The following KSR1 variants were observed in gnomAD, a reference collection of about 807,000 sequenced individuals.
The protein encoded by KSR1 is kinase suppressor of ras.
A neutral mutation model predicts 92.9 loss-of-function variants in KSR1; 35 were observed. That is an observed-to-expected ratio of 0.38 (90% CI 0.29 to 0.50). The LOEUF (loss-of-function observed/expected upper bound fraction) is 0.50, where lower values mean the gene tolerates loss of function less well. KSR1 is among the 20% of genes least tolerant of loss of function. The pLI, the probability that KSR1 is intolerant of heterozygous loss-of-function variation, is 0.94. For synonymous variants in KSR1, 467 were observed against 472.6 expected, an observed-to-expected ratio of 0.99 and a Z score of 0.15; for missense variants, 972 against 1,158.5, an observed-to-expected ratio of 0.84 and a Z score of 2.34.
chr17:27,590,692 A>C, intron 6 of KSR1, 119 bp from the exon 7 acceptor site: 1 of 868,496 alleles, frequency 1.2e-6, no homozygotes, highest in South Asian at 1.5e-5. Context: ...GAGGGGGCCA[A>C]GGGGCTCTGG....
intron 1 of KSR1, among the ~76,000 whole-genome samples, chr17:27,543,199 G>A (rs190288027): frequency 2.0e-4 from 30 of 152,354 alleles, no homozygotes; most frequent in African/African-American, 7.0e-4. Flanking sequence ...TAGAGGCAAG[G>A]CAGCTATTGC....
At chr17:27,473,891 C>T (rs1213636064) in intron 1 of KSR1, among the ~76,000 whole-genome samples, 1 of 152,000 alleles carries the variant, frequency 6.6e-6, no homozygotes, top group Non-Finnish European at 1.5e-5. Flanking sequence ...AGACAAAACC[C>T]CAGGCCACTC....
chr17:27,541,146 G>A (rs1254474427), intron 1 of KSR1, among the ~76,000 whole-genome samples: 1 of 152,214 alleles, frequency 6.6e-6, no homozygotes, highest in Non-Finnish European at 1.5e-5. Flanking sequence ...ACTGCTGTGG[G>A]CACCACGTAA....
chr17:27,496,892 A>G (rs1567763931), intron 1 of KSR1, among the ~76,000 whole-genome samples: 2 of 152,216 alleles, frequency 1.3e-5, no homozygotes, highest in Admixed American at 6.5e-5. Context: ...CTCCTCTGAG[A>G]TGAGAGTGTG....
At chr17:27,567,460 A>G (rs1227150120) in intron 2 of KSR1, among the ~76,000 whole-genome samples, 1 of 152,160 alleles carries the variant, frequency 6.6e-6, no homozygotes, top group African/African-American at 2.4e-5. Context: ...AGGAGTGGGC[A>G]AGAACATGGA....
At chr17:27,527,590 T>C (rs2070364764) in intron 1 of KSR1, among the ~76,000 whole-genome samples, 1 of 152,092 alleles carries the variant, frequency 6.6e-6, no homozygotes, top group African/African-American at 2.4e-5. Context: ...AGATGGGGTT[T>C]TACCATGTTG....
At chr17:27,585,926 G>C in intron 5 of KSR1, 1 of 535,784 alleles carries the variant, frequency 1.9e-6, no homozygotes, top group Non-Finnish European at 3.4e-6. Flanking sequence ...GCCCCATGAA[G>C]AGCCCTGTCT....
intron 19 of KSR1, among the ~76,000 whole-genome samples, chr17:27,619,753 C>T: frequency 6.6e-6 from 1 of 151,790 alleles, no homozygotes; most frequent in East Asian, 1.9e-4. Context: ...TGCTCTGTCA[C>T]CCAGGCTGGA....
At chr17:27,500,342 C>G (rs2069132770) in intron 1 of KSR1, among the ~76,000 whole-genome samples, 1 of 152,154 alleles carries the variant, frequency 6.6e-6, no homozygotes. Flanking sequence ...CCCAAGGCCA[C>G]CCAGCTGCTA....
At chr17:27,604,843 C>G in intron 13 of KSR1, 115 bp downstream of exon 13, 1 of 994,454 alleles carries the variant, frequency 1.0e-6, no homozygotes, top group Non-Finnish European at 1.6e-6. Context: ...CAAGGGCTGT[C>G]CCAGGCACCC....
intron 1 of KSR1, among the ~76,000 whole-genome samples, chr17:27,528,683 G>A (rs543123306): frequency 3.3e-5 from 5 of 152,094 alleles, no homozygotes; most frequent in Admixed American, 1.3e-4. Context: ...AGGATCTCTT[G>A]AGCCCAGGAG....
chr17:27,501,299 T>A (rs2069178643), intron 1 of KSR1, among the ~76,000 whole-genome samples: 2 of 129,464 alleles, frequency 1.5e-5, no homozygotes, highest in East Asian at 2.1e-4. Flanking sequence ...CTTCTTTTTT[T>A]TTTTTTTTTT....
chr17:27,575,716 GT>G (rs1189912760), intron 2 of KSR1, among the ~76,000 whole-genome samples: 1 of 152,150 alleles, frequency 6.6e-6, no homozygotes, highest in African/African-American at 2.4e-5. Context: ...AGCTGGAGAG[GT>G]TTCCTCCCTC....
At chr17:27,526,060 C>T (rs58156145) in intron 1 of KSR1, among the ~76,000 whole-genome samples, 17 of 31,012 alleles carry the variant, frequency 5.5e-4, no homozygotes, top group Non-Finnish European at 8.3e-4. Flanking sequence ...CTCTCTCTCT[C>T]TCTTTCTTTC....
chr17:27,614,213 C>T (rs919355610), intron 18 of KSR1, among the ~76,000 whole-genome samples: 1 of 152,194 alleles, frequency 6.6e-6, no homozygotes, highest in African/African-American at 2.4e-5. Flanking sequence ...AAATCATTAA[C>T]AAATCCTTAT....
At position 27,565,058 on chromosome 17, in the gene KSR1, GTTTTC is replaced by G. The variant is rs1388457472; in HGVS notation, c.373-12431_373-12427del. On this transcript the variant is annotated intron_variant, in intron 2 of 20. Transcript: ENST00000644974. Reference sequence around the variant, plus strand: ...ACCATTGGCTGTTAGCTTTTTAGGTGTTTTCTTAATATCCAGTAATTTACATATAT... The same window carrying G: ...ACCATTGGCTGTTAGCTTTTTAGGTGTTAATATCCAGTAATTTACATATAT... Among the ~76,000 whole-genome samples, 4 of 152,158 alleles carry G rather than the reference GTTTTC, an allele frequency of 2.6e-5. No individual in the cohort carries two copies. In the East Asian group the frequency reaches 7.7e-4, roughly 29 times the overall value.
At chr17:27,622,077 G>T in intron 20 of KSR1, 2 of 770,388 alleles carry the variant, frequency 2.6e-6, no homozygotes, top group South Asian at 1.6e-5. Context: ...CTCTCTCGAG[G>T]CTACTTCTTT....
chr17:27,620,563 C>T (rs771261145), intron 19 of KSR1, among the ~76,000 whole-genome samples: 12 of 152,244 alleles, frequency 7.9e-5, no homozygotes, highest in Non-Finnish European at 1.2e-4. Context: ...CAGATGGGGG[C>T]CTCTGCATCC....
At chr17:27,576,507 C>G (rs1397803001) in intron 2 of KSR1, among the ~76,000 whole-genome samples, 1 of 152,142 alleles carries the variant, frequency 6.6e-6, no homozygotes, top group African/African-American at 2.4e-5. Flanking sequence ...TGTTCTCACC[C>G]CTCATCTTGT....
Sources: gnomAD v4.1 joint callset for allele counts (sites outside exome capture counted in the v4.1 genomes callset) on GRCh38, gnomAD v4.1.1 for gene constraint, MANE v1.5 for transcripts, NCBI Gene and HGNC (gene_info 2026-07-23, HGNC 2026-07-21) for gene names.